ANGPTL3: variants seen among roughly 807,000 people sequenced by gnomAD.
ANGPTL3 encodes the protein angiopoietin-related protein 3.
ANGPTL3 carries 51 observed loss-of-function variants against 52.7 expected under a neutral mutation model. The observed-to-expected ratio is 0.97, with a 90% CI of 0.77 to 1.22. The LOEUF is 1.22. ANGPTL3 is among the 50% of genes most tolerant of loss of function. ANGPTL3 has a pLI of 0.00. For synonymous variants in ANGPTL3, 185 were observed against 179.8 expected, an observed-to-expected ratio of 1.03 and a Z score of -0.23; for missense variants, 506 against 520.7, an observed-to-expected ratio of 0.97 and a Z score of 0.27.
In ANGPTL3 at chr1:62,597,852, G is replaced by A; in HGVS notation, c.286G>A (p.Glu96Lys). 6.2e-7 allele frequency: 1 copy of A among 1,603,550 alleles called. No individual in the cohort carries two copies. Among genetic ancestry groups the A allele is most frequent in the Non-Finnish European group, 8.5e-7 (1 of 1,175,650 alleles). ...GCAAACCAGTGAAATCAAAGAAGAA[G>A]AAAAGGAACTGAGAAGAACTACATA... ...SLQTSEIKEE[E>K]KELRRTTYKL... Residue 96 changes from glutamate to lysine, a missense_variant, in exon 1 of 7, where the codon GAA becomes AAA. Coordinates refer to ENST00000371129, the MANE Select transcript of ANGPTL3 (RefSeq NM_014495.4).
At chr1:62,600,557 G>A (rs772999204) in intron 2 of ANGPTL3, among the ~76,000 whole-genome samples, 5 of 151,794 alleles carry the variant, frequency 3.3e-5, no homozygotes, top group South Asian at 2.1e-4. Context: ...CTAAACTAAC[G>A]ATAAACTACT....
intron 5 of ANGPTL3, among the ~76,000 whole-genome samples, chr1:62,603,617 T>C (rs1054018715): frequency 2.0e-5 from 3 of 151,792 alleles, no homozygotes; most frequent in African/African-American, 7.2e-5. Context: ...AATAAATAGC[T>C]GACAGTAAAG....
At chr1:62,600,318 C>CT (rs1490094042) in intron 2 of ANGPTL3, among the ~76,000 whole-genome samples, 2 of 151,676 alleles carry the variant, frequency 1.3e-5, no homozygotes, top group Non-Finnish European at 3.0e-5. Flanking sequence ...ATTTAAGTAA[C>CT]TTTAAGATCA....
Position 62,602,294 on chromosome 1 carries a change from G to A in ANGPTL3, c.845G>A (p.Trp282Ter), listed in dbSNP as rs1424938245. 2 of 1,607,806 alleles carry A rather than the reference G, an allele frequency of 1.2e-6. No individual in the cohort carries two copies. The highest frequency in any genetic ancestry group is 1.7e-6 in the Non-Finnish European group (2 of 1,175,202). Residue 282 changes from tryptophan to a stop codon, truncating the protein, a stop_gained, in exon 5 of 7, where the codon TGG becomes TAG. Coordinates refer to ENST00000371129, the MANE Select transcript of ANGPTL3 (RefSeq NM_014495.4). LOFTEE classifies it high-confidence loss of function. ...CATTCATTATATTCAGGTAGTCCAT[G>A]GACATTAATTCAACATCGAATAGAT... ...VYCDVISGSPWTLIQHRIDGS... is the reference protein window; with the variant it reads ...VYCDVISGSP
chr1:62,597,815 T>C lies in ANGPTL3; in HGVS notation c.249T>C (p.Tyr83=), dbSNP rs920003542. The change falls in exon 1 of 7, where the codon TAT becomes TAC. Residue 83 remains tyrosine (Y), a synonymous_variant. Coordinates refer to ENST00000371129, the MANE Select transcript of ANGPTL3 (RefSeq NM_014495.4). ...TCAACATATTTGATCAGTCTTTTTA[T>C]GATCTATCGCTGCAAACCAGTGAAA... ...QKLNIFDQSF[Y]DLSLQTSEIK... 2 of 1,613,070 alleles carry C rather than the reference T, an allele frequency of 1.2e-6. No individual in the cohort carries two copies. The highest frequency in any genetic ancestry group is 8.5e-7 in the Non-Finnish European group (1 of 1,179,516).
intron 4 of ANGPTL3, 30 bp downstream of exon 4, chr1:62,601,912 A>G: frequency 7.1e-7 from 1 of 1,414,072 alleles, no homozygotes; most frequent in Non-Finnish European, 1.0e-6. Flanking sequence ...AATAGACAGT[A>G]GTTAGTTCAA....
rs757596386 is a variant in ANGPTL3, at chr1:62,597,521, GA to G, written c.-44del. 2 of 1,606,452 alleles carry G rather than the reference GA, an allele frequency of 1.2e-6. No individual in the cohort carries two copies. The highest frequency in any genetic ancestry group is 1.3e-5 in the African/African-American group (1 of 74,496). ...GTTAAGAAGTCTAGGTCTGCTTCCA[GA>G]AGAAAACAGTTCCACGTTGCTTGAA... On this transcript the variant is annotated 5_prime_UTR_variant, in exon 1 of 7. Coordinates refer to ENST00000371129, the MANE Select transcript of ANGPTL3 (RefSeq NM_014495.4).
In ANGPTL3 at chr1:62,602,206, TCAAA is replaced by T. The variant is rs1026967778; in HGVS notation, c.836-70_836-67del. The T allele has an allele frequency of 9.4e-6, 11 of 1,167,778 alleles. No individual in the cohort carries two copies. The African/African-American group carries it at 1.1e-4, about 11-fold the overall frequency. The allele number at this position is 1,167,778 out of a possible 1,614,324, so 72.3% of individuals were successfully genotyped here. ...TACCTTACAAAACCACCAATTAAAA[TCAAA>T]CAAACAAAAAAGTGTTATTTACATC... On this transcript the variant is annotated intron_variant, in intron 4 of 6. Coordinates refer to ENST00000371129, the MANE Select transcript of ANGPTL3 (RefSeq NM_014495.4).
At position 62,604,227 on chromosome 1, in the gene ANGPTL3, G is replaced by A. The variant is rs147598570; in HGVS notation, c.1190G>A (p.Gly397Asp). The A allele has an allele frequency of 1.2e-6, 2 of 1,612,804 alleles. No individual in the cohort carries two copies. Among genetic ancestry groups the A allele is most frequent in the African/African-American group, 2.7e-5 (2 of 74,828 alleles). The stretch of plus-strand genomic sequence containing the variant: ...AAAGGACACTTCAACTGTCCAGAGG[G>A]TTATTCAGGTATCTTTTTCTGATAC... ...KAKGHFNCPE[G>D]YSGGWWWHDE... Residue 397 changes from glycine (G) to aspartate (D), a missense_variant, in exon 6 of 7, where the codon GGT becomes GAT. Gly to Asp is a moderately conservative substitution (Grantham distance 94). Transcript: ENST00000371129.
In ANGPTL3 at chr1:62,601,153, T is replaced by TC. The variant is rs1243928500; in HGVS notation, c.681dup (p.Phe228LeufsTer6). On this transcript the variant is annotated frameshift_variant, in exon 3 of 7. Transcript: ENST00000371129. LOFTEE classifies it high-confidence loss of function. ...CCAAGCCAAGAGCACCAAGAACTAC[T>TC]CCCTTTCTTCAGTTGAATGAAATAA... is the stretch of plus-strand genomic sequence containing the variant. The TC allele has an allele frequency of 2.5e-6, 4 of 1,610,602 alleles. No individual in the cohort carries two copies. In the African/African-American group the frequency reaches 5.4e-5, roughly 22 times the overall value.
At position 62,604,114 on chromosome 1, in the gene ANGPTL3, G is replaced by A. The variant is rs748332395; in HGVS notation, c.1077G>A (p.Thr359=). ...FYLGNHETNY[T]LHLVAITGNV... ...TGGGAAATCACGAAACCAACTATACGCTACATCTAGTTGCGATTACTGGCA... is the reference window on the plus strand; with the variant it reads ...TGGGAAATCACGAAACCAACTATACACTACATCTAGTTGCGATTACTGGCA... The change falls in exon 6 of 7, where the codon ACG becomes ACA. Residue 359 remains threonine (T), a synonymous_variant. Coordinates refer to ENST00000371129, the MANE Select transcript of ANGPTL3 (RefSeq NM_014495.4). 3.2e-5 allele frequency: 52 copies of A among 1,613,110 alleles called. No homozygotes were observed. The highest frequency in any genetic ancestry group is 4.2e-5 in the Non-Finnish European group (50 of 1,179,472).
Position 62,601,128 on chromosome 1 carries a change from C to G in ANGPTL3, c.653C>G (p.Ser218Cys), listed in dbSNP as rs776912361. 14 of 1,610,738 alleles carry G rather than the reference C, an allele frequency of 8.7e-6. No individual in the cohort carries two copies. The Admixed American group carries it at 2.2e-4, about 25-fold the overall frequency. The change falls in exon 3 of 7, where the codon TCC becomes TGC. Residue 218 changes from serine to cysteine, a missense_variant. Coordinates refer to ENST00000371129, the MANE Select transcript of ANGPTL3 (RefSeq NM_014495.4). ...GAACCCACAGAAATTTCTCTATCTTCCAAGCCAAGAGCACCAAGAACTACT... is the reference window on the plus strand; with the variant it reads ...GAACCCACAGAAATTTCTCTATCTTGCAAGCCAAGAGCACCAAGAACTACT... ...IQEPTEISLS[S>C]KPRAPRTTPF...
chr1:62,601,146 G>GA lies in ANGPTL3; in HGVS notation c.673dup (p.Thr225AsnfsTer9). On this transcript the variant is annotated frameshift_variant, in exon 3 of 7. Transcript: ENST00000371129. LOFTEE classifies it high-confidence loss of function. ...CTATCTTCCAAGCCAAGAGCACCAA[G>GA]AACTACTCCCTTTCTTCAGTTGAAT... The GA allele has an allele frequency of 6.2e-7, 1 of 1,611,010 alleles. No homozygotes were observed.
In ANGPTL3 at chr1:62,604,025, G is replaced by C. The variant is rs1397699643; in HGVS notation, c.988G>C (p.Val330Leu). Residue 330 changes from valine (V) to leucine (L), a missense_variant, in exon 6 of 7, where the codon GTT becomes CTT. Coordinates refer to ENST00000371129, the MANE Select transcript of ANGPTL3 (RefSeq NM_014495.4). ...IYSIVKQSNYVLRIELEDWKD... is the reference protein window; with the variant it reads ...IYSIVKQSNYLLRIELEDWKD... ...CTCCATAGTGAAGCAATCTAATTATGTTTTACGAATTGAGTTGGAAGACTG... is the reference window on the plus strand; with the variant it reads ...CTCCATAGTGAAGCAATCTAATTATCTTTTACGAATTGAGTTGGAAGACTG... The C allele has an allele frequency of 6.2e-7, 1 of 1,613,088 alleles. No homozygotes were observed. The highest frequency in any genetic ancestry group is 8.5e-7 in the Non-Finnish European group (1 of 1,179,312).
intron 2 of ANGPTL3, among the ~76,000 whole-genome samples, chr1:62,599,318 CTTG>C (rs1029006201): frequency 2.6e-4 from 40 of 152,090 alleles, no homozygotes; most frequent in African/African-American, 9.4e-4. Context: ...AGCCTTTGCC[CTTG>C]TTGTTTCCTC....
At position 62,606,039 on chromosome 1, in the gene ANGPTL3, T is replaced by C. The variant is rs552285004; in HGVS notation, c.*1222T>C. On this transcript the variant is annotated 3_prime_UTR_variant, in exon 7 of 7. Transcript: ENST00000371129. Reference sequence around the variant, plus strand: ...ATTATGTATTTCAAATTATCCAATATACATGTCATATATATTTTTATATGT... The same window carrying C: ...ATTATGTATTTCAAATTATCCAATACACATGTCATATATATTTTTATATGT... 6.6e-6 allele frequency: 1 copy of C among 152,072 alleles called. No homozygotes were observed. Among genetic ancestry groups the C allele is most frequent in the Non-Finnish European group, 1.5e-5 (1 of 67,966 alleles). 9.4% of individuals were successfully genotyped at this position (152,072 alleles called of 1,614,324 possible). A position where few individuals can be genotyped will look rare whatever the true frequency, so the allele number is the denominator to read the frequency against.
chr1:62,601,326 C>G (rs1650085474), intron 3 of ANGPTL3, 130 bp downstream of exon 3: 1 of 692,896 alleles, frequency 1.4e-6, no homozygotes. Context: ...AAACTGGATG[C>G]TGGGGTTCTT....
chr1:62,602,394 A>G lies in ANGPTL3; in HGVS notation c.931+14A>G. The G allele has an allele frequency of 6.3e-7, 1 of 1,595,652 alleles. No homozygotes were observed. Among genetic ancestry groups the G allele is most frequent in the Non-Finnish European group, 8.6e-7 (1 of 1,163,954 alleles). On this transcript the variant is annotated intron_variant, in intron 5 of 6. Transcript: ENST00000371129. ...GGAGGCTTGATGGTAAGGGGACTAC[A>G]TTCAATCATTCATTCACTTGCTAAT...
intron 5 of ANGPTL3, 82 bp downstream of exon 5, chr1:62,602,462 G>GA: frequency 8.1e-7 from 1 of 1,234,124 alleles, no homozygotes; most frequent in Non-Finnish European, 1.2e-6. Context: ...CAGGTATTAG[G>GA]AAAAGTAGTA....
Sources: gnomAD v4.1 joint callset for allele counts (sites outside exome capture counted in the v4.1 genomes callset) on GRCh38, gnomAD v4.1.1 for gene constraint, MANE v1.5 for transcripts, NCBI Gene and HGNC (gene_info 2026-07-23, HGNC 2026-07-21) for gene names.